COPG2: variants seen among roughly 807,000 people sequenced by gnomAD.
COPG2 encodes the protein coat protein complex I subunit gamma 2, also known as coatomer subunit gamma-2.
In COPG2, 37 loss-of-function variants were observed where a neutral mutation model predicts 46.3. The observed-to-expected ratio is 0.80, with a 90% CI of 0.61 to 1.05. The LOEUF (loss-of-function observed/expected upper bound fraction) is 1.05, where lower values mean the gene tolerates loss of function less well. COPG2 is among the 50% of genes least tolerant of loss of function. The pLI, the probability that COPG2 is intolerant of heterozygous loss-of-function variation, is 0.00. For synonymous variants in COPG2, 159 were observed against 129.7 expected, an observed-to-expected ratio of 1.23 and a Z score of -1.53; for missense variants, 427 against 387.8, an observed-to-expected ratio of 1.10 and a Z score of -0.85.
At chr7:130,523,356 A>G (rs1388437890) in intron 20 of COPG2, among the ~76,000 whole-genome samples, 1 of 152,148 alleles carries the variant, frequency 6.6e-6, no homozygotes. Flanking sequence ...AGCAATCTCT[A>G]AAAGGAACAT....
chr7:130,608,365 C>T (rs540101220), intron 9 of COPG2: 1 of 260,562 alleles, frequency 3.8e-6, no homozygotes, highest in Non-Finnish European at 7.5e-6. Flanking sequence ...ACATATTTAC[C>T]TTTTAATTTA....
intron 20 of COPG2, among the ~76,000 whole-genome samples, chr7:130,523,896 G>A (rs1227087587): frequency 2.6e-5 from 4 of 152,014 alleles, no homozygotes; most frequent in East Asian, 1.9e-4. Context: ...CAGGAGGAGC[G>A]GAGGAGCCGG....
intron 4 of COPG2, among the ~76,000 whole-genome samples, chr7:130,653,660 G>T (rs1465949552): frequency 6.6e-6 from 1 of 152,170 alleles, no homozygotes; most frequent in Non-Finnish European, 1.5e-5. Context: ...ATGGGCAGCA[G>T]CCAGACACCA....
rs782228710 is a variant in COPG2 at position 130,507,673 on chromosome 7, A to C, written c.2386+12T>G. ...TTATCAGGCAATATACTGATAGCAA[A>C]ATGGGTCTCACCTTCAAGGGTTTTG... On this transcript the variant is annotated intron_variant, in intron 22 of 23. Transcript: ENST00000425248. 3.8e-6 allele frequency: 3 copies of C among 779,974 alleles called. No homozygotes were observed. In the East Asian group the frequency reaches 7.3e-5, roughly 19 times the overall value. The allele number at this position is 779,974 out of a possible 1,614,324, so 48.3% of individuals were successfully genotyped here. A position where few individuals can be genotyped will look rare whatever the true frequency, so the allele number is the denominator to read the frequency against.
chr7:130,595,439 G>GAATCTA (rs1794509884), intron 9 of COPG2, among the ~76,000 whole-genome samples: 1 of 152,076 alleles, frequency 6.6e-6, no homozygotes, highest in Admixed American at 6.6e-5. Flanking sequence ...TAGTGGTGGT[G>GAATCTA]GTTACATAGT....
intron 9 of COPG2, among the ~76,000 whole-genome samples, chr7:130,591,611 G>C (rs1794426810): frequency 7.2e-6 from 1 of 139,848 alleles, no homozygotes; most frequent in Admixed American, 7.0e-5. Flanking sequence ...GGGGGGGTCA[G>C]CCCCGCACCC....
intron 9 of COPG2, among the ~76,000 whole-genome samples, chr7:130,594,165 G>A (rs1554449404): frequency 6.6e-6 from 1 of 152,144 alleles, no homozygotes; most frequent in South Asian, 2.1e-4. Context: ...CAAATGGATA[G>A]TAAACACAGA....
chr7:130,617,561 G>T (rs1306910353), intron 5 of COPG2, among the ~76,000 whole-genome samples: 1 of 152,150 alleles, frequency 6.6e-6, no homozygotes, highest in East Asian at 1.9e-4. Context: ...AGACCTTTCT[G>T]CTGAGCTTCA....
rs1796097758 is a variant in COPG2, at chr7:130,667,019, C to T, written c.91-90G>A. On this transcript the variant is annotated intron_variant, in intron 2 of 23. Coordinates refer to ENST00000425248, the MANE Select transcript of COPG2 (RefSeq NM_012133.6). ...AACTTTAATACAGACTATTTTTAAT[C>T]ACGGTATCCAAAGAACATTGTCTAT... 3 of 661,080 alleles carry T rather than the reference C, an allele frequency of 4.5e-6. No individual in the cohort carries two copies. The Admixed American group carries it at 1.0e-4, about 22-fold the overall frequency. 41.0% of individuals were successfully genotyped at this position (661,080 alleles called of 1,614,324 possible).
chr7:130,621,165 A>G (rs968475604), intron 5 of COPG2, among the ~76,000 whole-genome samples: 8 of 152,226 alleles, frequency 5.3e-5, no homozygotes, highest in African/African-American at 1.9e-4. Flanking sequence ...AGTAGCCTCC[A>G]GAAGCTAGAA....
intron 12 of COPG2, among the ~76,000 whole-genome samples, chr7:130,556,045 C>G (rs1166191762): frequency 5.9e-5 from 9 of 152,056 alleles, no homozygotes; most frequent in Admixed American, 5.9e-4. Context: ...GGGTGGGTCT[C>G]CTGAGCCCCA....
chr7:130,555,806 G>T (rs946560338), intron 12 of COPG2, among the ~76,000 whole-genome samples: 1 of 151,858 alleles, frequency 6.6e-6, no homozygotes, highest in Non-Finnish European at 1.5e-5. Flanking sequence ...CTCCAGCCTG[G>T]GTGACAGAGA....
chr7:130,586,218 T>C (rs1794265563), intron 9 of COPG2, among the ~76,000 whole-genome samples: 1 of 151,994 alleles, frequency 6.6e-6, no homozygotes, highest in African/African-American at 2.4e-5. Flanking sequence ...AACTCAGGAA[T>C]TGAAAACCAA....
At chr7:130,643,335 C>T (rs542050711) in intron 5 of COPG2, among the ~76,000 whole-genome samples, 56 of 151,422 alleles carry the variant, frequency 3.7e-4, no homozygotes, top group Admixed American at 2.7e-3. Flanking sequence ...TTTTATTTAT[C>T]GACATAGCTC....
intron 9 of COPG2, among the ~76,000 whole-genome samples, chr7:130,573,988 T>C (rs567676000): frequency 6.6e-5 from 10 of 152,338 alleles, no homozygotes; most frequent in East Asian, 5.8e-4. Flanking sequence ...ATTCTATTTA[T>C]AGAAATCTTT....
intron 9 of COPG2, among the ~76,000 whole-genome samples, chr7:130,606,250 GAGAGAGAGAAAGAA>G (rs1794726350): frequency 6.7e-6 from 1 of 150,106 alleles, no homozygotes; most frequent in Non-Finnish European, 1.5e-5. Flanking sequence ...AAGAGAGAGA[GAGAGAGAGAAAGAA>G]AGAGAAAGAG....
chr7:130,526,056 A>T (rs1378211722), intron 20 of COPG2, among the ~76,000 whole-genome samples: 1 of 151,850 alleles, frequency 6.6e-6, no homozygotes, highest in Non-Finnish European at 1.5e-5. Context: ...GAAATAAAGG[A>T]GGTGAGGAAA....
At chr7:130,536,179 A>C (rs1799877619) in intron 20 of COPG2, among the ~76,000 whole-genome samples, 2 of 152,218 alleles carry the variant, frequency 1.3e-5, no homozygotes, top group South Asian at 4.2e-4. Flanking sequence ...ATGTGTGTTA[A>C]GGGGTAAATG....
intron 20 of COPG2, among the ~76,000 whole-genome samples, chr7:130,527,895 A>C (rs1385601894): frequency 1.3e-5 from 2 of 152,158 alleles, no homozygotes; most frequent in Non-Finnish European, 2.9e-5. Flanking sequence ...CCTCGGTCCC[A>C]GACTCAAGGA....
Sources: gnomAD v4.1 joint callset for allele counts (sites outside exome capture counted in the v4.1 genomes callset) on GRCh38, gnomAD v4.1.1 for gene constraint, MANE v1.5 for transcripts, NCBI Gene and HGNC (gene_info 2026-07-23, HGNC 2026-07-21) for gene names.